The following LRMDA variants were observed in gnomAD, a reference collection of about 807,000 sequenced individuals.
The protein encoded by LRMDA is leucine-rich melanocyte differentiation-associated protein.
In LRMDA, 18 loss-of-function variants were observed where a neutral mutation model predicts 29.8. The observed-to-expected ratio is 0.60, with a 90% CI of 0.42 to 0.90. The LOEUF (loss-of-function observed/expected upper bound fraction) is 0.90. LRMDA is among the 40% of genes least tolerant of loss of function. The probability of loss-of-function intolerance (pLI) is 0.00; values close to 1 mark genes in which losing one functional copy is unlikely to be tolerated. For missense variants in LRMDA, 273 were observed against 273.9 expected (o/e 1.00, Z 0.02); for synonymous variants, 125 against 109.4 (o/e 1.14, Z -0.89).
At chr10:76,492,949 A>G (rs1229530827) in intron 6 of LRMDA, among the ~76,000 whole-genome samples, 2 of 152,014 alleles carry the variant, frequency 1.3e-5, no homozygotes, top group Non-Finnish European at 2.9e-5. Context: ...GGATGGGGAC[A>G]CAGAGCCAAA....
chr10:75,675,198 T>C (rs1181157798), intron 2 of LRMDA, among the ~76,000 whole-genome samples: 2 of 152,158 alleles, frequency 1.3e-5, no homozygotes, highest in Non-Finnish European at 2.9e-5. Flanking sequence ...AAGCAAAACA[T>C]TTTACTTACA....
chr10:76,304,018 C>T (rs1409395695), intron 5 of LRMDA, among the ~76,000 whole-genome samples: 2 of 152,160 alleles, frequency 1.3e-5, no homozygotes, highest in African/African-American at 4.8e-5. Context: ...TCACGGCTTT[C>T]TCTAACCTTT....
intron 2 of LRMDA, among the ~76,000 whole-genome samples, chr10:75,646,345 C>T (rs984113003): frequency 2.4e-4 from 36 of 152,164 alleles, no homozygotes; most frequent in Admixed American, 4.6e-4. Flanking sequence ...TCCCTTCTTC[C>T]ACCTCCCTCT....
chr10:75,609,279 C>A (rs1840998338), intron 2 of LRMDA, among the ~76,000 whole-genome samples: 1 of 152,130 alleles, frequency 6.6e-6, no homozygotes, highest in Admixed American at 6.5e-5. Flanking sequence ...TGTAAAGACA[C>A]CCACACCCAC....
chr10:76,050,601 A>G (rs901772810), intron 4 of LRMDA, among the ~76,000 whole-genome samples: 14 of 152,218 alleles, frequency 9.2e-5, no homozygotes, highest in Middle Eastern at 3.2e-3. Flanking sequence ...TGAATGTGGA[A>G]TGGAGGTGAA....
At chr10:76,275,380 T>C (rs1840118241) in intron 5 of LRMDA, among the ~76,000 whole-genome samples, 1 of 152,064 alleles carries the variant, frequency 6.6e-6, no homozygotes, top group Non-Finnish European at 1.5e-5. Context: ...GCTAAACTCT[T>C]TTGAACTATA....
chr10:76,514,814 G>T (rs2132355004), intron 6 of LRMDA, among the ~76,000 whole-genome samples: 1 of 152,222 alleles, frequency 6.6e-6, no homozygotes, highest in South Asian at 2.1e-4. Context: ...GCATGCTGGT[G>T]CACACGTCTT....
chr10:75,965,979 C>T (rs576655056), intron 2 of LRMDA, among the ~76,000 whole-genome samples: 102 of 152,334 alleles, frequency 6.7e-4, no homozygotes, highest in Non-Finnish European at 1.1e-3. Context: ...TTGCTTCATA[C>T]CACCTGTACC....
intron 2 of LRMDA, among the ~76,000 whole-genome samples, chr10:75,991,453 T>A (rs1564624684): frequency 6.6e-6 from 1 of 152,226 alleles, no homozygotes; most frequent in Non-Finnish European, 1.5e-5. Context: ...AGGGTTTGGT[T>A]GAATCTCTAC....
intron 2 of LRMDA, among the ~76,000 whole-genome samples, chr10:75,922,224 T>C (rs115563090): frequency 2.1e-3 from 326 of 152,348 alleles, no homozygotes; most frequent in African/African-American, 4.9e-3. Context: ...AATTGCTCAC[T>C]ATTTAGAAAG....
At chr10:75,807,641 G>A (rs1843879288) in intron 2 of LRMDA, among the ~76,000 whole-genome samples, 2 of 152,154 alleles carry the variant, frequency 1.3e-5, no homozygotes, top group Non-Finnish European at 1.5e-5. Context: ...GACGAACAGT[G>A]GCCGAAAATG....
chr10:76,231,988 A>G (rs181016465), intron 5 of LRMDA, among the ~76,000 whole-genome samples: 1 of 152,336 alleles, frequency 6.6e-6, no homozygotes, highest in Admixed American at 6.5e-5. Context: ...TAAAATAAAA[A>G]TCACATTCTT....
At position 75,987,067 on chromosome 10, in the gene LRMDA, G is replaced by A. The variant is rs1222473152; in HGVS notation, c.132-48941G>A. Among the ~76,000 whole-genome samples the A allele has an allele frequency of 2.0e-5, 3 of 152,218 alleles. No homozygotes were observed. The East Asian group carries it at 5.8e-4, about 29-fold the overall frequency. ...GTCTTTAATGTTTCTATTACGTGTG[G>A]ATTTTTTTTTTTAAGAGAGCAGCCC... On this transcript the variant is annotated intron_variant, in intron 2 of 6. Transcript: ENST00000611255.
chr10:76,482,069 C>A (rs754113690), intron 6 of LRMDA, among the ~76,000 whole-genome samples: 2 of 151,818 alleles, frequency 1.3e-5, no homozygotes, highest in African/African-American at 2.4e-5. Flanking sequence ...CCAATTTTTT[C>A]TCTTCATATA....
At chr10:76,362,348 T>C (rs1312237323) in intron 6 of LRMDA, among the ~76,000 whole-genome samples, 1 of 152,218 alleles carries the variant, frequency 6.6e-6, no homozygotes, top group African/African-American at 2.4e-5. Flanking sequence ...GTTAACTGGG[T>C]GACCTTGGGC....
At position 75,958,973 on chromosome 10, in the gene LRMDA, G is replaced by C. The variant is rs1237845881; in HGVS notation, c.132-77035G>C. ...AGACTTACTACCGCGAGAACAGTAT[G>C]GGAGAAGCTGCCCTCATGATTTAAT... On this transcript the variant is annotated intron_variant, in intron 2 of 6. Coordinates refer to ENST00000611255, the MANE Select transcript of LRMDA (RefSeq NM_001305581.2). Among the ~76,000 whole-genome samples the C allele has an allele frequency of 3.3e-5, 5 of 152,278 alleles. No homozygotes were observed. In the East Asian group the frequency reaches 9.7e-4, roughly 29 times the overall value.
chr10:75,999,296 A>G (rs187453706), intron 2 of LRMDA, among the ~76,000 whole-genome samples: 3 of 152,326 alleles, frequency 2.0e-5, no homozygotes, highest in East Asian at 1.9e-4. Context: ...AATTAGTAGT[A>G]GAGAACTCTT....
chr10:75,745,453 C>T lies in LRMDA; in HGVS notation c.132-290555C>T, dbSNP rs553419173. Reference sequence around the variant, plus strand: ...CATTCTACATTACAGCAACTTTGTGCCCTGTGTCCTATATCTTCCCATTTC... The same window carrying T: ...CATTCTACATTACAGCAACTTTGTGTCCTGTGTCCTATATCTTCCCATTTC... On this transcript the variant is annotated intron_variant, in intron 2 of 6. Transcript: ENST00000611255. Among the ~76,000 whole-genome samples the T allele has an allele frequency of 1.7e-4, 26 of 152,230 alleles. No individual in the cohort carries two copies. In the South Asian group the frequency reaches 4.4e-3, roughly 26 times the overall value.
chr10:76,512,896 T>A (rs1843022927), intron 6 of LRMDA, among the ~76,000 whole-genome samples: 1 of 152,182 alleles, frequency 6.6e-6, no homozygotes, highest in Non-Finnish European at 1.5e-5. Flanking sequence ...GTCAAAGATT[T>A]AATTTTATTT....
Sources: allele counts gnomAD v4.1 joint callset (sites outside exome capture counted in the v4.1 genomes callset), GRCh38; gene constraint gnomAD v4.1.1; transcripts MANE v1.5; gene names NCBI Gene and HGNC (gene_info 2026-07-23, HGNC 2026-07-21).